CWF19L1: variants seen among roughly 807,000 people sequenced by gnomAD.
The protein encoded by CWF19L1 is CWF19-like protein 1.
CWF19L1 carries 60 observed loss-of-function variants against 69.7 expected under a neutral mutation model. The observed-to-expected ratio is 0.86, with a 90% CI of 0.70 to 1.07. The LOEUF (loss-of-function observed/expected upper bound fraction) is 1.07, where lower values mean the gene tolerates loss of function less well. CWF19L1 is among the 50% of genes least tolerant of loss of function. The pLI is 0.00. For missense variants in CWF19L1, 591 were observed against 638.9 expected (o/e 0.92, Z 0.81); for synonymous variants, 209 against 222.2 (o/e 0.94, Z 0.53).
intron 8 of CWF19L1, 70 bp from the exon 9 acceptor site, chr10:100,245,983 A>G: frequency 9.1e-7 from 1 of 1,103,008 alleles, no homozygotes; most frequent in Non-Finnish European, 1.4e-6. Context: ...GACCACTCAC[A>G]TACAAGGGAA....
intron 7 of CWF19L1, chr10:100,248,965 G>C (rs907721915): frequency 1.4e-6 from 1 of 720,408 alleles, no homozygotes; most frequent in African/African-American, 1.7e-5. Flanking sequence ...CAGCCTGATA[G>C]AGCTGCGCAA....
intron 2 of CWF19L1, among the ~76,000 whole-genome samples, chr10:100,261,263 G>C (rs1304281837): frequency 6.6e-6 from 1 of 152,162 alleles, no homozygotes; most frequent in Non-Finnish European, 1.5e-5. Context: ...ATTCAAGTTA[G>C]AGATGGGTAA....
rs897557051 is a variant in CWF19L1 at position 100,238,034 on chromosome 10, G to A, written c.1242C>T (p.His414=). ...ACAGACCACCTACCTGTAGCTGGAG[G>A]TGATGGCTCTTATAATTTCTCTCAA... The part of the protein sequence containing the change: ...VVFERNYKSH[H]LQLQVIPVPI... Residue 414 remains histidine (H), a synonymous_variant, in exon 11 of 14, where the codon CAC becomes CAT. Coordinates refer to ENST00000354105, the MANE Select transcript of CWF19L1 (RefSeq NM_018294.6). 6 of 1,614,140 alleles carry A rather than the reference G, an allele frequency of 3.7e-6. No homozygotes were observed. Among genetic ancestry groups the A allele is most frequent in the Non-Finnish European group, 5.1e-6 (6 of 1,179,984 alleles).
intron 13 of CWF19L1, 46 bp from the exon 14 acceptor site, chr10:100,233,417 A>G (rs1380486229): frequency 1.9e-6 from 3 of 1,588,678 alleles, no homozygotes; most frequent in Non-Finnish European, 2.6e-6. Context: ...TATCAGCCTG[A>G]GCTCTCCTCA....
At chr10:100,235,830 C>T in intron 12 of CWF19L1, 66 bp from the exon 13 acceptor site, 1 of 1,130,596 alleles carries the variant, frequency 8.8e-7, no homozygotes, top group Non-Finnish European at 1.3e-6. Context: ...CTGAGTTCAT[C>T]TCTAGGCAAA....
chr10:100,236,101 CTTTT>C (rs781285945), intron 12 of CWF19L1, among the ~76,000 whole-genome samples: 2 of 131,342 alleles, frequency 1.5e-5, no homozygotes, highest in Admixed American at 7.8e-5. Context: ...TCCACTGCCT[CTTTT>C]TTTTTTTTTT....
intron 10 of CWF19L1, among the ~76,000 whole-genome samples, chr10:100,241,957 T>C (rs962330515): frequency 4.6e-5 from 7 of 152,204 alleles, no homozygotes; most frequent in African/African-American, 1.4e-4. Context: ...CTGGTGACTA[T>C]AGTGTTAAAA....
chr10:100,248,664 T>C (rs1846915273), intron 7 of CWF19L1: 1 of 878,278 alleles, frequency 1.1e-6, no homozygotes, highest in Middle Eastern at 2.9e-4. Context: ...ACTTTGATGC[T>C]GGAGAACTAA....
intron 7 of CWF19L1, among the ~76,000 whole-genome samples, chr10:100,247,701 C>A (rs944191297): frequency 3.3e-5 from 5 of 152,098 alleles, no homozygotes; most frequent in African/African-American, 1.2e-4. Flanking sequence ...TAGAGACCAG[C>A]CCGACCAACA....
intron 10 of CWF19L1, among the ~76,000 whole-genome samples, chr10:100,240,625 T>C (rs370695426): frequency 6.6e-6 from 1 of 152,072 alleles, no homozygotes; most frequent in Admixed American, 6.6e-5. Flanking sequence ...ACCTGGACAA[T>C]AGAAAGATGA....
intron 13 of CWF19L1, 177 bp from the exon 14 acceptor site, chr10:100,233,548 A>G: frequency 2.1e-6 from 1 of 484,464 alleles, no homozygotes. Context: ...GGTACTATAT[A>G]TTTCCTGATC....
intron 1 of CWF19L1, among the ~76,000 whole-genome samples, chr10:100,265,248 C>T (rs1847535519): frequency 6.6e-6 from 1 of 151,494 alleles, no homozygotes; most frequent in Non-Finnish European, 1.5e-5. Context: ...TGTGTTATAA[C>T]AAGAGTCAAA....
chr10:100,264,227 T>G (rs1476166162), intron 1 of CWF19L1, among the ~76,000 whole-genome samples: 1 of 152,164 alleles, frequency 6.6e-6, no homozygotes. Flanking sequence ...AATAAACAAC[T>G]ATGTTACTGG....
chr10:100,267,538 CAG>C, intron 1 of CWF19L1, 31 bp downstream of exon 1: 1 of 1,614,154 alleles, frequency 6.2e-7, no homozygotes, highest in East Asian at 2.2e-5. Context: ...GAAAGAGACA[CAG>C]GGAGAGAGGC....
chr10:100,237,657 T>A (rs1022122683), intron 11 of CWF19L1, among the ~76,000 whole-genome samples: 2 of 152,130 alleles, frequency 1.3e-5, no homozygotes, highest in Non-Finnish European at 2.9e-5. Context: ...TATATAATTT[T>A]TTTTTTAAAG....
chr10:100,239,339 C>T (rs1443881140), intron 10 of CWF19L1, among the ~76,000 whole-genome samples: 5 of 152,116 alleles, frequency 3.3e-5, no homozygotes, highest in Admixed American at 6.6e-5. Flanking sequence ...AATATAGATA[C>T]GTTAGAAAAC....
At chr10:100,257,283 T>C (rs183798258) in intron 4 of CWF19L1, among the ~76,000 whole-genome samples, 85 of 148,860 alleles carry the variant, frequency 5.7e-4, no homozygotes, top group Admixed American at 4.8e-3. Context: ...GCTAAGTGCT[T>C]TACCTTTTTT....
At chr10:100,258,114 C>T (rs1339584710) in intron 4 of CWF19L1, among the ~76,000 whole-genome samples, 2 of 152,000 alleles carry the variant, frequency 1.3e-5, no homozygotes, top group African/African-American at 4.8e-5. Flanking sequence ...GGCACACACC[C>T]GTAACCCCAG....
In CWF19L1 at chr10:100,260,252, A is replaced by T; in HGVS notation, c.255T>A (p.Asp85Glu). The T allele has an allele frequency of 6.2e-7, 1 of 1,612,106 alleles. No individual in the cohort carries two copies. The highest frequency in any genetic ancestry group is 1.1e-5 in the South Asian group (1 of 90,988). Residue 85 changes from aspartate to glutamate, a missense_variant, in exon 4 of 14, where the codon GAT (aspartate) becomes GAA (glutamate). Around this residue, in one of 3 missense-constraint regions of CWF19L1, gnomAD observed 129 missense variants for 131.3 expected, o/e 0.98. Coordinates refer to ENST00000354105, the MANE Select transcript of CWF19L1 (RefSeq NM_018294.6). ...TAATGTTTTCAGCTAATTCACATCC[A>T]TCAGCATCCTGGAAATATTTTACTG... The part of the protein sequence containing the change: ...QETVKYFQDA[D>E]GCELAENITY...
Sources: allele counts gnomAD v4.1 joint callset (sites outside exome capture counted in the v4.1 genomes callset), GRCh38; gene constraint gnomAD v4.1.1; regional missense constraint gnomAD v4.1.1; transcripts MANE v1.5; gene names NCBI Gene and HGNC (gene_info 2026-07-23, HGNC 2026-07-21).